KAT6B: variants seen among roughly 807,000 people sequenced by gnomAD.
KAT6B encodes the protein histone acetyltransferase KAT6B.
KAT6B carries 10 observed loss-of-function variants against 187.5 expected under a neutral mutation model. That is an observed-to-expected ratio of 0.05 (90% CI 0.03 to 0.09). The LOEUF (loss-of-function observed/expected upper bound fraction) is 0.09, where lower values mean the gene tolerates loss of function less well. Among genes scored for constraint, KAT6B ranks in the 10% least tolerant of loss-of-function variants. The probability of loss-of-function intolerance (pLI) is 1.00; values close to 1 mark genes in which losing one functional copy is unlikely to be tolerated. For synonymous variants in KAT6B, 861 were observed against 926.8 expected, an observed-to-expected ratio of 0.93 and a Z score of 1.29; for missense variants, 1,952 against 2,558.9, an observed-to-expected ratio of 0.76 and a Z score of 5.12.
chr10:74,998,962 T>C (rs778295734), intron 13 of KAT6B, among the ~76,000 whole-genome samples: 32 of 152,228 alleles, frequency 2.1e-4, no homozygotes, highest in Non-Finnish European at 1.8e-4. Context: ...GTAATGCTTG[T>C]GATAAGCAAG....
At chr10:75,014,196 T>C (rs1156285003) in intron 13 of KAT6B, among the ~76,000 whole-genome samples, 1 of 152,140 alleles carries the variant, frequency 6.6e-6, no homozygotes, top group Non-Finnish European at 1.5e-5. Context: ...TCTAGCAAGC[T>C]GGGTGCAGTG....
chr10:74,959,847 G>C (rs1468308806), intron 3 of KAT6B, 123 bp from the exon 4 acceptor site: 1 of 703,040 alleles, frequency 1.4e-6, no homozygotes, highest in African/African-American at 1.8e-5. Flanking sequence ...ACGTTATTTA[G>C]CAGTTTTTCT....
chr10:74,842,548 A>G, intron 2 of KAT6B, 52 bp from the exon 3 acceptor site: 1 of 545,144 alleles, frequency 1.8e-6, no homozygotes. Flanking sequence ...CTTTTAGTTT[A>G]TTTGTGTAAG....
At chr10:74,863,482 A>G (rs1407186410) in intron 3 of KAT6B, among the ~76,000 whole-genome samples, 1 of 152,236 alleles carries the variant, frequency 6.6e-6, no homozygotes, top group Admixed American at 6.5e-5. Context: ...AAAGGAGGTA[A>G]TACTGAGGCA....
At chr10:74,879,404 AG>A (rs1844683196) in intron 3 of KAT6B, among the ~76,000 whole-genome samples, 1 of 152,186 alleles carries the variant, frequency 6.6e-6, no homozygotes, top group African/African-American at 2.4e-5. Context: ...TTCTTGACAT[AG>A]GAGCTGCCTT....
intron 1 of KAT6B, among the ~76,000 whole-genome samples, chr10:74,831,909 C>G (rs1396543929): frequency 6.6e-6 from 1 of 152,238 alleles, no homozygotes; most frequent in Non-Finnish European, 1.5e-5. Context: ...ATCCCTGACT[C>G]TGATACTTCC....
chr10:74,999,612 C>A (rs1044122462), intron 13 of KAT6B, among the ~76,000 whole-genome samples: 2 of 152,198 alleles, frequency 1.3e-5, no homozygotes, highest in South Asian at 2.1e-4. Context: ...GTAACAGTCA[C>A]AATAATCATC....
rs1845343070 is a variant in KAT6B at position 75,020,807 on chromosome 10, A to G, written c.2855A>G (p.Asp952Gly). Residue 952 changes from aspartate to glycine, a missense_variant, in exon 14 of 18, where the codon GAT becomes GGT. Physicochemically the swap from Asp to Gly is moderately conservative, Grantham distance 94. This residue lies in a region of KAT6B where 758 missense variants were observed against 891.4 expected (regional missense o/e 0.85). Coordinates refer to ENST00000287239, the MANE Select transcript of KAT6B (RefSeq NM_012330.4). ...LQHLHMIDKRDGRFVIIRREK... is the reference protein window; with the variant it reads ...LQHLHMIDKRGGRFVIIRREK... ...CACCTCCACATGATCGACAAGAGAG[A>G]TGGCAGGTGAGTCCTGGGACCCTGG... 2 of 1,613,742 alleles carry G rather than the reference A, an allele frequency of 1.2e-6. No homozygotes were observed. The highest frequency in any genetic ancestry group is 1.3e-5 in the African/African-American group (1 of 74,926).
At chr10:74,994,989 CTTCATGAG>C (rs1843338185) in intron 13 of KAT6B, among the ~76,000 whole-genome samples, 1 of 152,244 alleles carries the variant, frequency 6.6e-6, no homozygotes, top group African/African-American at 2.4e-5. Context: ...CACACACTCC[CTTCATGAG>C]TTCAGACCAT....
rs536070024 is a variant in KAT6B, at chr10:74,829,494, C to T, written c.-329+2709C>T. 1.1e-4 allele frequency among the ~76,000 whole-genome samples: 17 copies of T among 151,626 alleles called. No individual in the cohort carries two copies. In the South Asian group the frequency reaches 2.1e-3, roughly 19 times the overall value. ...TTTTGAGACAGTCTTGCTCTGTTGC[C>T]CAGGCTGGAGTGCAGTGGCACGATC... is the stretch of plus-strand genomic sequence containing the variant. On this transcript the variant is annotated intron_variant, in intron 1 of 17. Transcript: ENST00000287239.
intron 7 of KAT6B, among the ~76,000 whole-genome samples, chr10:74,973,145 C>CT (rs1564598081): frequency 6.6e-6 from 1 of 152,210 alleles, no homozygotes; most frequent in Non-Finnish European, 1.5e-5. Context: ...CAGATGACCA[C>CT]TTACCTCTGA....
intron 6 of KAT6B, among the ~76,000 whole-genome samples, chr10:74,970,549 A>G (rs1189315807): frequency 6.6e-6 from 1 of 152,150 alleles, no homozygotes; most frequent in Non-Finnish European, 1.5e-5. Flanking sequence ...TGATATTTTG[A>G]ACACGAGCAT....
At chr10:74,851,289 A>G (rs935359156) in intron 3 of KAT6B, among the ~76,000 whole-genome samples, 2 of 149,624 alleles carry the variant, frequency 1.3e-5, no homozygotes, top group Non-Finnish European at 3.0e-5. Flanking sequence ...TTGTATTTTT[A>G]GTAGAGACAG....
chr10:75,022,357 C>A, intron 16 of KAT6B, 126 bp downstream of exon 16: 1 of 1,025,612 alleles, frequency 9.8e-7, no homozygotes, highest in Non-Finnish European at 1.5e-6. Flanking sequence ...TGTACCCAGT[C>A]CCGCTGATCA....
At chr10:74,877,882 C>T (rs1379093037) in intron 3 of KAT6B, among the ~76,000 whole-genome samples, 1 of 151,930 alleles carries the variant, frequency 6.6e-6, no homozygotes, top group Non-Finnish European at 1.5e-5. Flanking sequence ...AATCTTCCCT[C>T]CCATTCTGCT....
chr10:75,020,497 A>T, intron 13 of KAT6B, 85 bp from the exon 14 acceptor site: 2 of 910,352 alleles, frequency 2.2e-6, no homozygotes, highest in Non-Finnish European at 3.6e-6. Flanking sequence ...TTACCTTGTC[A>T]CTACTCATAT....
chr10:75,022,696 C>T (rs1409493209), intron 16 of KAT6B, among the ~76,000 whole-genome samples: 1 of 152,110 alleles, frequency 6.6e-6, no homozygotes, highest in East Asian at 1.9e-4. Flanking sequence ...TTTGGGAGGC[C>T]AAGGTGGGCA....
At chr10:74,865,450 T>G (rs2132335862) in intron 3 of KAT6B, among the ~76,000 whole-genome samples, 2 of 152,244 alleles carry the variant, frequency 1.3e-5, no homozygotes, top group Middle Eastern at 3.4e-3. Flanking sequence ...AGCTCAGAGT[T>G]TCCCAAACCA....
At chr10:74,862,915 A>G (rs1034054783) in intron 3 of KAT6B, among the ~76,000 whole-genome samples, 1 of 152,116 alleles carries the variant, frequency 6.6e-6, no homozygotes, top group African/African-American at 2.4e-5. Flanking sequence ...GGGAAGGAAA[A>G]GCTGTAAACC....
Sources: allele counts gnomAD v4.1 joint callset (sites outside exome capture counted in the v4.1 genomes callset), GRCh38; gene constraint gnomAD v4.1.1; regional missense constraint gnomAD v4.1.1; transcripts MANE v1.5; gene names NCBI Gene and HGNC (gene_info 2026-07-23, HGNC 2026-07-21).